Variants in CLCA1 observed in about 807,000 individuals in gnomAD.
CLCA1 encodes the protein calcium-activated chloride channel regulator 1.
CLCA1 carries 59 observed loss-of-function variants against 85.6 expected under a neutral mutation model. The ratio of observed to expected loss-of-function variants is 0.69; its 90% CI spans 0.56 to 0.86. CLCA1 has a LOEUF of 0.86. Among genes scored for constraint, CLCA1 ranks in the 40% least tolerant of loss-of-function variants. The pLI is 0.00. For synonymous variants in CLCA1, 396 were observed against 398.3 expected, an observed-to-expected ratio of 0.99 and a Z score of 0.07; for missense variants, 1,022 against 1,101.4, an observed-to-expected ratio of 0.93 and a Z score of 1.02.
intron 9 of CLCA1, among the ~76,000 whole-genome samples, chr1:86,492,432 CAGAG>C (rs3835432): frequency 1.3e-5 from 2 of 151,226 alleles, no homozygotes; most frequent in African/African-American, 2.4e-5. Flanking sequence ...AGAAACCTAA[CAGAG>C]AGAGAGAGAG....
rs543212313 is a variant in CLCA1, at chr1:86,481,725, T to C, written c.558-480T>C. Among the ~76,000 whole-genome samples, 77 of 152,270 alleles carry C rather than the reference T, an allele frequency of 5.1e-4. 1 individual carries two copies. The South Asian group carries it at 0.014, about 28-fold the overall frequency. On this transcript the variant is annotated intron_variant, in intron 4 of 13. Coordinates refer to ENST00000394711, the MANE Select transcript of CLCA1 (RefSeq NM_001285.4). ...TAGGGGGAAAGCATTCCAACTATAA[T>C]AGCAACAAAAGTCATAAATACCTAA... is the stretch of plus-strand genomic sequence containing the variant.
chr1:86,495,731 A>T, intron 12 of CLCA1, 56 bp downstream of exon 12: 1 of 1,505,366 alleles, frequency 6.6e-7, no homozygotes, highest in Admixed American at 2.0e-5. Flanking sequence ...TTTCAAGAGG[A>T]AACTATTAAG....
chr1:86,495,510 G>T lies in CLCA1; in HGVS notation c.1948G>T (p.Asp650Tyr), dbSNP rs1309486631. ...LELLDNGAGA[D>Y]ATKDDGVYSR... ...TTCCTTCATTCTTTATCAAGGTGCTGATGCTACTAAGGATGACGGTGTCTA... is the reference window on the plus strand; with the variant it reads ...TTCCTTCATTCTTTATCAAGGTGCTTATGCTACTAAGGATGACGGTGTCTA... Residue 650 changes from aspartate (D) to tyrosine (Y), a missense_variant, in exon 12 of 14, where the codon GAT (aspartate) becomes TAT (tyrosine). Physicochemically the swap from Asp to Tyr is radical, Grantham distance 160. Transcript: ENST00000394711. 6.2e-7 allele frequency: 1 copy of T among 1,611,450 alleles called. No homozygotes were observed. Among genetic ancestry groups the T allele is most frequent in the Admixed American group, 1.7e-5 (1 of 59,902 alleles).
Position 86,486,040 on chromosome 1 carries a change from G to C in CLCA1, c.954+479G>C, listed in dbSNP as rs561686985. Among the ~76,000 whole-genome samples the C allele has an allele frequency of 4.5e-3, 684 of 151,286 alleles. 6 individuals are homozygous for C. Among genetic ancestry groups the C allele is most frequent in the African/African-American group, 0.016 (641 of 41,194 alleles). ...CAGGAGAGAGAGAGAGAGAGAGAGA[G>C]AGTGCGCAATGTGGGAAGAGCCCCT... On this transcript the variant is annotated intron_variant, in intron 6 of 13. Transcript: ENST00000394711.
chr1:86,495,287 A>G (rs757594814), intron 11 of CLCA1, among the ~76,000 whole-genome samples: 3 of 152,210 alleles, frequency 2.0e-5, no homozygotes, highest in Non-Finnish European at 4.4e-5. Flanking sequence ...AGATTTCAAA[A>G]AGAAAGTCAA....
chr1:86,473,410 T>A lies in CLCA1; in HGVS notation c.163-7T>A. On this transcript the variant is annotated splice_polypyrimidine_tract_variant and splice_region_variant and intron_variant, in intron 1 of 13. Coordinates refer to ENST00000394711, the MANE Select transcript of CLCA1 (RefSeq NM_001285.4). ...AATTGTTACGTATGTTTTCTTTTTCTTCCCAGGACATGGTGACCCAGGCAT... is the reference window on the plus strand; with the variant it reads ...AATTGTTACGTATGTTTTCTTTTTCATCCCAGGACATGGTGACCCAGGCAT... 1.3e-6 allele frequency: 2 copies of A among 1,526,692 alleles called. No individual in the cohort carries two copies. 94.6% of individuals were successfully genotyped at this position (1,526,692 alleles called of 1,614,324 possible). A position where few individuals can be genotyped will look rare whatever the true frequency, so the allele number is the denominator to read the frequency against.
intron 8 of CLCA1, among the ~76,000 whole-genome samples, chr1:86,490,213 T>G (rs1263539892): frequency 3.3e-5 from 5 of 152,166 alleles, no homozygotes; most frequent in African/African-American, 1.2e-4. Context: ...TGGCCCCTTT[T>G]GGTAAGATAA....
intron 9 of CLCA1, among the ~76,000 whole-genome samples, chr1:86,491,605 C>T (rs570666169): frequency 6.6e-6 from 1 of 152,192 alleles, no homozygotes; most frequent in Admixed American, 6.5e-5. Context: ...TCACAGAAGT[C>T]AGCAGATAAA....
At chr1:86,495,129 C>T (rs568599391) in intron 11 of CLCA1, among the ~76,000 whole-genome samples, 37 of 151,984 alleles carry the variant, frequency 2.4e-4, no homozygotes, top group Admixed American at 6.5e-4. Context: ...TAAATCTACC[C>T]TGGGGAGAAG....
intron 3 of CLCA1, among the ~76,000 whole-genome samples, chr1:86,475,366 T>C (rs1647613395): frequency 6.6e-6 from 1 of 152,222 alleles, no homozygotes; most frequent in Non-Finnish European, 1.5e-5. Context: ...GGAATTTACA[T>C]TCCAGAAAAA....
intron 4 of CLCA1, among the ~76,000 whole-genome samples, chr1:86,481,215 C>A (rs5744349): frequency 0.035 from 5,302 of 152,054 alleles, 122 homozygotes; most frequent in South Asian, 0.11. Flanking sequence ...CAGCTCACTG[C>A]AACCTCTGCC....
intron 4 of CLCA1, among the ~76,000 whole-genome samples, 199 bp from the exon 5 acceptor site, chr1:86,482,006 T>A (rs1477547974): frequency 6.6e-6 from 1 of 152,222 alleles, no homozygotes; most frequent in Non-Finnish European, 1.5e-5. Context: ...GATACCATTT[T>A]TGCAATCCCC....
At chr1:86,481,534 T>C (rs1647822941) in intron 4 of CLCA1, among the ~76,000 whole-genome samples, 1 of 152,196 alleles carries the variant, frequency 6.6e-6, no homozygotes, top group Non-Finnish European at 1.5e-5. Flanking sequence ...GTGAGTGTTA[T>C]GTTGATATAT....
In CLCA1 at chr1:86,495,573, T is replaced by C. The variant is rs1281135175; in HGVS notation, c.2011T>C (p.Tyr671His). The C allele has an allele frequency of 1.9e-6, 3 of 1,614,080 alleles. No individual in the cohort carries two copies. Among genetic ancestry groups the C allele is most frequent in the South Asian group, 1.1e-5 (1 of 91,076 alleles). ...YFTTYDTNGR[Y>H]SVKVRALGGV... Reference sequence around the variant, plus strand: ...CACAACTTATGACACGAATGGTAGATACAGTGTAAAAGTGCGGGCTCTGGG... The same window carrying C: ...CACAACTTATGACACGAATGGTAGACACAGTGTAAAAGTGCGGGCTCTGGG... The change falls in exon 12 of 14, where the codon TAC (tyrosine) becomes CAC (histidine). Residue 671 changes from tyrosine (Y) to histidine (H), a missense_variant. Physicochemically the swap from Tyr to His is moderately conservative, Grantham distance 83. Coordinates refer to ENST00000394711, the MANE Select transcript of CLCA1 (RefSeq NM_001285.4).
intron 10 of CLCA1, 149 bp downstream of exon 10, chr1:86,493,748 C>A: frequency 1.6e-6 from 1 of 638,568 alleles, no homozygotes; most frequent in Non-Finnish European, 2.7e-6. Context: ...AATCTCCATC[C>A]AATGAAAATC....
At chr1:86,472,384 G>A (rs1386622937) in intron 1 of CLCA1, among the ~76,000 whole-genome samples, 2 of 152,082 alleles carry the variant, frequency 1.3e-5, no homozygotes, top group South Asian at 2.1e-4. Context: ...CATTTCCTCT[G>A]CAGGCACTGA....
Position 86,468,963 on chromosome 1 carries a change from T to C in CLCA1, c.-9T>C, listed in dbSNP as rs770995884. 6 of 1,591,942 alleles carry C rather than the reference T, an allele frequency of 3.8e-6. No homozygotes were observed. The Admixed American group carries it at 1.1e-4, about 28-fold the overall frequency. On this transcript the variant is annotated 5_prime_UTR_variant, in exon 1 of 14. It removes an upstream start codon present in the reference 5' UTR. Coordinates refer to ENST00000394711, the MANE Select transcript of CLCA1 (RefSeq NM_001285.4). ...TCCAAAGAGAGAAATCACAGGGAGA[T>C]GTACAGCAATGGGGCCATTTAAGAG... is the stretch of plus-strand genomic sequence containing the variant.
chr1:86,498,751 G>T lies in CLCA1; in HGVS notation c.2293G>T (p.Gly765Trp). 1 of 1,614,058 alleles carries T rather than the reference G, an allele frequency of 6.2e-7. No homozygotes were observed. Residue 765 changes from glycine to tryptophan, a missense_variant, in exon 13 of 14, where the codon GGG (glycine) becomes TGG (tryptophan). Gly to Trp is a radical substitution (Grantham distance 184). Coordinates refer to ENST00000394711, the MANE Select transcript of CLCA1 (RefSeq NM_001285.4). ...CACCGACCTGAAGGCGGAAATTCAC[G>T]GGGGCAGTCTCATTAATCTGACTTG... is the stretch of plus-strand genomic sequence containing the variant. The part of the protein sequence containing the change: ...QITDLKAEIH[G>W]GSLINLTWTA...
At position 86,499,810 on chromosome 1, in the gene CLCA1, G is replaced by A. The variant is rs1425762991; in HGVS notation, c.2510G>A (p.Gly837Asp). The change falls in exon 14 of 14, where the codon GGC (glycine) becomes GAC (aspartate). Residue 837 changes from glycine (G) to aspartate (D), a missense_variant. Gly to Asp is a moderately conservative substitution (Grantham distance 94). Transcript: ENST00000394711. ...FKPENITFEN[G>D]TDLFIAIQAV... is the part of the protein sequence containing the mutation. ...CCAGAAAACATTACTTTTGAAAATG[G>A]CACAGATCTTTTCATTGCTATTCAG... is the stretch of plus-strand genomic sequence containing the variant. The A allele has an allele frequency of 1.9e-6, 3 of 1,613,662 alleles. No individual in the cohort carries two copies. Among genetic ancestry groups the A allele is most frequent in the Non-Finnish European group, 2.5e-6 (3 of 1,179,708 alleles).
Sources: gnomAD v4.1 joint callset for allele counts (sites outside exome capture counted in the v4.1 genomes callset) on GRCh38, gnomAD v4.1.1 for gene constraint, MANE v1.5 for transcripts, NCBI Gene and HGNC (gene_info 2026-07-23, HGNC 2026-07-21) for gene names.